Variants in DLG2 observed in about 807,000 individuals in gnomAD.
The protein encoded by DLG2 is discs large MAGUK scaffold protein 2.
Under a neutral mutation model 132.5 loss-of-function variants are expected in DLG2, and 45 were observed. The ratio of observed to expected loss-of-function variants is 0.34; its 90% confidence interval spans 0.27 to 0.44. DLG2 has a LOEUF of 0.44. Among genes scored for constraint, DLG2 ranks in the 20% least tolerant of loss-of-function variants. DLG2 has a pLI of 1.00. For missense variants in DLG2, 1,045 were observed against 1,196.9 expected (o/e 0.87, Z 1.87); for synonymous variants, 424 against 419.6 (o/e 1.01, Z -0.13).
chr11:85,274,125 G>A (rs1342882431), intron 4 of DLG2, among the ~76,000 whole-genome samples: 1 of 152,018 alleles, frequency 6.6e-6, no homozygotes, highest in Non-Finnish European at 1.5e-5. Flanking sequence ...GAGAGGGGAG[G>A]GATAGCATTA....
intron 6 of DLG2, among the ~76,000 whole-genome samples, chr11:84,577,749 T>A (rs1415112101): frequency 1.3e-5 from 2 of 152,000 alleles, no homozygotes; most frequent in African/African-American, 4.8e-5. Context: ...TGAGGAAAAA[T>A]TCAAGCTGGC....
At chr11:84,212,199 A>T (rs2154311814) in intron 8 of DLG2, among the ~76,000 whole-genome samples, 1 of 152,358 alleles carries the variant, frequency 6.6e-6, no homozygotes, top group East Asian at 1.9e-4. Flanking sequence ...TATTACCTGC[A>T]GAGCTCAACT....
At chr11:83,482,753 A>C (rs2093225931) in intron 22 of DLG2, among the ~76,000 whole-genome samples, 1 of 152,186 alleles carries the variant, frequency 6.6e-6, no homozygotes, top group Non-Finnish European at 1.5e-5. Flanking sequence ...TAGAGAATGC[A>C]TGTTCCTTTT....
chr11:85,511,154 T>C (rs1260562752), intron 3 of DLG2, among the ~76,000 whole-genome samples: 1 of 151,800 alleles, frequency 6.6e-6, no homozygotes, highest in Non-Finnish European at 1.5e-5. Flanking sequence ...TTCTCACTCA[T>C]AGATGGGAAT....
chr11:84,938,001 A>G (rs2048953289), intron 6 of DLG2, among the ~76,000 whole-genome samples: 1 of 152,180 alleles, frequency 6.6e-6, no homozygotes, highest in African/African-American at 2.4e-5. Flanking sequence ...ACTAGAATCC[A>G]AGTCAGCTCA....
intron 10 of DLG2, among the ~76,000 whole-genome samples, chr11:84,089,224 C>T (rs1213954549): frequency 6.6e-6 from 1 of 152,154 alleles, no homozygotes; most frequent in Non-Finnish European, 1.5e-5. Flanking sequence ...AAGTGTCAGA[C>T]TGTGATGCCT....
chr11:83,723,870 C>T (rs1462014201), intron 18 of DLG2, among the ~76,000 whole-genome samples: 1 of 152,020 alleles, frequency 6.6e-6, no homozygotes, highest in African/African-American at 2.4e-5. Context: ...AAAATAAATA[C>T]ATAAGTAAAA....
chr11:84,134,454 T>C (rs2094529226), intron 9 of DLG2, among the ~76,000 whole-genome samples: 1 of 152,102 alleles, frequency 6.6e-6, no homozygotes, highest in African/African-American at 2.4e-5. Context: ...AGTCAGCATG[T>C]TATTTCAGGG....
intron 2 of DLG2, among the ~76,000 whole-genome samples, chr11:85,610,036 T>C (rs928254032): frequency 6.6e-6 from 1 of 152,192 alleles, no homozygotes; most frequent in Non-Finnish European, 1.5e-5. Context: ...ATCCATTTGT[T>C]GTCCCCTACT....
At chr11:84,383,102 T>C (rs1323710087) in intron 7 of DLG2, among the ~76,000 whole-genome samples, 1 of 152,082 alleles carries the variant, frequency 6.6e-6, no homozygotes, top group African/African-American at 2.4e-5. Context: ...GGCATACTCC[T>C]TAATTCACAA....
intron 19 of DLG2, among the ~76,000 whole-genome samples, chr11:83,608,354 A>ATT (rs35301755): frequency 2.8e-5 from 4 of 145,130 alleles, no homozygotes; most frequent in Admixed American, 6.9e-5. Flanking sequence ...TTAGATTTCA[A>ATT]TTTTTTTTTT....
At chr11:84,549,486 C>T (rs2099397351) in intron 6 of DLG2, among the ~76,000 whole-genome samples, 1 of 152,176 alleles carries the variant, frequency 6.6e-6, no homozygotes, top group Admixed American at 6.5e-5. Context: ...AGGAAATGTT[C>T]ATTTCAGCAA....
chr11:84,880,219 T>C (rs1175616854), intron 6 of DLG2, among the ~76,000 whole-genome samples: 5 of 151,960 alleles, frequency 3.3e-5, no homozygotes, highest in Admixed American at 6.6e-5. Context: ...ACTAAGGAAA[T>C]AAGCAGGAAA....
intron 6 of DLG2, among the ~76,000 whole-genome samples, chr11:84,811,025 A>AT (rs1246163316): frequency 6.6e-6 from 1 of 152,114 alleles, no homozygotes; most frequent in Non-Finnish European, 1.5e-5. Flanking sequence ...AAATATTTTG[A>AT]TTGTAATATT....
intron 3 of DLG2, among the ~76,000 whole-genome samples, chr11:85,432,497 T>C (rs1362783589): frequency 2.6e-5 from 4 of 151,748 alleles, no homozygotes; most frequent in Non-Finnish European, 5.9e-5. Context: ...ATAAATGACC[T>C]GATGAAACTG....
chr11:84,489,577 C>T (rs553909616), intron 7 of DLG2, among the ~76,000 whole-genome samples: 2 of 152,160 alleles, frequency 1.3e-5, no homozygotes, highest in East Asian at 3.9e-4. Flanking sequence ...ATTATACAAA[C>T]CTAGCTCCTA....
At chr11:85,554,199 T>C (rs2076814051) in intron 3 of DLG2, among the ~76,000 whole-genome samples, 1 of 151,228 alleles carries the variant, frequency 6.6e-6, no homozygotes, top group East Asian at 1.9e-4. Context: ...CAAAGAATAG[T>C]ATAAAGCAAA....
chr11:84,185,721 C>G (rs561224957), intron 8 of DLG2, among the ~76,000 whole-genome samples: 1 of 152,234 alleles, frequency 6.6e-6, no homozygotes, highest in East Asian at 1.9e-4. Context: ...TCATAGATAT[C>G]TCTTATTATT....
At chr11:85,398,861 C>T (rs1383498986) in intron 3 of DLG2, among the ~76,000 whole-genome samples, 1 of 152,024 alleles carries the variant, frequency 6.6e-6, no homozygotes, top group Non-Finnish European at 1.5e-5. Context: ...AGAGGAGCTG[C>T]TACCATTGCT....
Sources: allele counts gnomAD v4.1 joint callset (sites outside exome capture counted in the v4.1 genomes callset), GRCh38; gene constraint gnomAD v4.1.1; transcripts MANE v1.5; gene names NCBI Gene and HGNC (gene_info 2026-07-23, HGNC 2026-07-21).